THRA: variants seen among roughly 807,000 people sequenced by gnomAD.
THRA encodes EAR-7.
In THRA, 13 loss-of-function variants were observed where a neutral mutation model predicts 45.0. That is an observed-to-expected ratio of 0.29 (90% CI 0.19 to 0.46). THRA has a LOEUF of 0.46. THRA is among the 20% of genes least tolerant of loss of function. The probability of loss-of-function intolerance (pLI) is 1.00; values close to 1 mark genes in which losing one functional copy is unlikely to be tolerated. For synonymous variants in THRA, 195 were observed against 214.0 expected, an observed-to-expected ratio of 0.91 and a Z score of 0.78; for missense variants, 278 against 556.1, an observed-to-expected ratio of 0.50 and a Z score of 5.03.
chr17:40,073,692 ATCTC>A (rs1344259927), intron 1 of THRA, among the ~76,000 whole-genome samples: 1 of 152,052 alleles, frequency 6.6e-6, no homozygotes, highest in Non-Finnish European at 1.5e-5. Context: ...AGCTTTCAAC[ATCTC>A]TCTCTATTAA....
Position 40,090,189 on chromosome 17 carries a change from ACCAGAGCC to A in THRA, c.*737_*744del. On this transcript the variant is annotated 3_prime_UTR_variant, in exon 9 of 9. Coordinates refer to ENST00000450525, the MANE Select transcript of THRA (RefSeq NM_199334.5). ...CCACATCAGAGAGAAATGCCCCCAC[ACCAGAGCC>A]CCAAGGGTAGGGCTGCCGATCAGAG... is the stretch of plus-strand genomic sequence containing the variant. 5.1e-6 allele frequency: 1 copy of A among 195,274 alleles called. No homozygotes were observed. The highest frequency in any genetic ancestry group is 1.9e-4 in the South Asian group (1 of 5,224). The allele number at this position is 195,274 out of a possible 1,614,324, so 12.1% of individuals were successfully genotyped here.
Position 40,091,695 on chromosome 17 carries a change from A to G in THRA, c.*2239A>G, listed in dbSNP as rs891836587. The G allele has an allele frequency of 1.1e-4, 16 of 151,632 alleles. No homozygotes were observed. Among genetic ancestry groups the G allele is most frequent in the African/African-American group, 2.4e-4 (10 of 41,136 alleles). 9.4% of individuals were successfully genotyped at this position (151,632 alleles called of 1,614,324 possible). On this transcript the variant is annotated 3_prime_UTR_variant, in exon 9 of 9. Coordinates refer to ENST00000450525, the MANE Select transcript of THRA (RefSeq NM_199334.5). ...ACTTGGGACTCCCCCACCCTCCCCA[A>G]TCATATGAGCTGTGATCCCATCCTC...
Position 40,089,231 on chromosome 17 carries a change from C to A in THRA, c.1008C>A (p.Asp336Glu), listed in dbSNP as rs769127585. The A allele has an allele frequency of 2.5e-6, 4 of 1,614,026 alleles. No homozygotes were observed. Among genetic ancestry groups the A allele is most frequent in the Non-Finnish European group, 2.5e-6 (3 of 1,180,012 alleles). ...ACCGCTCGGGCCTGCTGTGTGTGGA[C>A]AAGATCGAGAAGAGTCAGGAGGCGT... ...STDRSGLLCV[D>E]KIEKSQEAYL... Residue 336 changes from aspartate (D) to glutamate (E), a missense_variant, in exon 9 of 9, where the codon GAC (aspartate) becomes GAA (glutamate). Coordinates refer to ENST00000450525, the MANE Select transcript of THRA (RefSeq NM_199334.5). The surrounding 1 kb of genome is among the most constrained non-coding windows in gnomAD (Gnocchi z 6.1).
At chr17:40,084,936 T>G in intron 6 of THRA, 121 bp downstream of exon 6, 8 of 1,075,180 alleles carry the variant, frequency 7.4e-6, no homozygotes, top group Non-Finnish European at 9.4e-6. Context: ...ATACATACTC[T>G]TCACACTTTT....
intron 4 of THRA, among the ~76,000 whole-genome samples, chr17:40,079,021 C>T (rs191145522): frequency 4.6e-5 from 7 of 152,254 alleles, no homozygotes; most frequent in African/African-American, 1.2e-4. Context: ...TGAGCCACTG[C>T]GCCCAGCCTG....
intron 6 of THRA, 21 bp from the exon 7 acceptor site, chr17:40,086,686 G>T (rs750032010): frequency 2.5e-6 from 4 of 1,608,362 alleles, no homozygotes; most frequent in Middle Eastern, 1.7e-4. Context: ...GGCCCCAGCT[G>T]ACCCCCGTCT....
At chr17:40,083,683 A>G in intron 4 of THRA, 152 bp from the exon 5 acceptor site, 1 of 1,021,852 alleles carries the variant, frequency 9.8e-7, no homozygotes, top group East Asian at 2.8e-5. Flanking sequence ...GAGCCTAGTA[A>G]TCTTGGGCTC....
intron 1 of THRA, among the ~76,000 whole-genome samples, chr17:40,066,133 C>T (rs981285721): frequency 6.6e-6 from 1 of 152,196 alleles, no homozygotes; most frequent in Non-Finnish European, 1.5e-5. Flanking sequence ...AAGCGAGGCC[C>T]TCCCACCCGT....
In THRA at chr17:40,090,607, C is replaced by G. The variant is rs1417467530; in HGVS notation, c.*1151C>G. ...CGTGAGCGTCTCCCAGAACCCTCCACCCCTTTAGCACTCTGTTTCCCTGTT... is the reference window on the plus strand; with the variant it reads ...CGTGAGCGTCTCCCAGAACCCTCCAGCCCTTTAGCACTCTGTTTCCCTGTT... On this transcript the variant is annotated 3_prime_UTR_variant, in exon 9 of 9. Transcript: ENST00000450525. 1 of 142,672 alleles carries G rather than the reference C, an allele frequency of 7.0e-6. No individual in the cohort carries two copies. Among genetic ancestry groups the G allele is most frequent in the Admixed American group, 6.9e-5 (1 of 14,594 alleles). The allele number at this position is 142,672 out of a possible 1,614,324, so 8.8% of individuals were successfully genotyped here. A position where few individuals can be genotyped will look rare whatever the true frequency, so the allele number is the denominator to read the frequency against.
intron 1 of THRA, among the ~76,000 whole-genome samples, chr17:40,063,605 T>G (rs901147953): frequency 1.3e-5 from 2 of 151,668 alleles, no homozygotes; most frequent in Non-Finnish European, 3.0e-5. Context: ...AGAGGGAAGT[T>G]CCCCCGCCTC....
At position 40,089,423 on chromosome 17, in the gene THRA, C is replaced by T. The variant is rs377494036; in HGVS notation, c.1200C>T (p.Leu400=). Residue 400 remains leucine, a synonymous_variant, in exon 9 of 9, where the codon CTC becomes CTT. Transcript: ENST00000450525. The surrounding 1 kb of genome is among the most constrained non-coding windows in gnomAD (Gnocchi z 6.1). ...VECPTELFPP[L]FLEVFEDQEV is the part of the protein sequence containing the mutation. ...GCCCCACCGAACTCTTCCCCCCACTCTTCCTCGAGGTCTTTGAGGATCAGG... is the reference window on the plus strand; with the variant it reads ...GCCCCACCGAACTCTTCCCCCCACTTTTCCTCGAGGTCTTTGAGGATCAGG... The T allele has an allele frequency of 4.5e-5, 73 of 1,614,216 alleles. 1 individual carries two copies. The Middle Eastern group carries it at 2.1e-3, about 47-fold the overall frequency.
chr17:40,069,182 C>CCT (rs1013101780), intron 1 of THRA, among the ~76,000 whole-genome samples: 5 of 147,138 alleles, frequency 3.4e-5, no homozygotes, highest in Non-Finnish European at 6.0e-5. Context: ...TCTCTCCCTC[C>CCT]CTCTCTCTCT....
chr17:40,093,615 G>A (rs1987674742), downstream of THRA: 2 of 711,372 alleles, frequency 2.8e-6, no homozygotes, highest in African/African-American at 3.6e-5. This position sits in a 1 kb window ranked among gnomAD's most constrained non-coding sequence, Gnocchi z 5.9. Flanking sequence ...TTCTCTGCCT[G>A]GCAACATCTT....
In THRA at chr17:40,089,213, G is replaced by T. The variant is rs757747930; in HGVS notation, c.990G>T (p.Ser330=). The T allele has an allele frequency of 5.6e-6, 9 of 1,613,496 alleles. No homozygotes were observed. The highest frequency in any genetic ancestry group is 7.6e-6 in the Non-Finnish European group (9 of 1,179,942). Residue 330 remains serine, a synonymous_variant, in exon 9 of 9, where the codon TCG becomes TCT. Transcript: ENST00000450525. This position sits in a 1 kb window ranked among gnomAD's most constrained non-coding sequence, Gnocchi z 6.1. ...GCCCCTCTTCCCTCACAGACCGCTCGGGCCTGCTGTGTGTGGACAAGATCG... is the reference window on the plus strand; with the variant it reads ...GCCCCTCTTCCCTCACAGACCGCTCTGGCCTGCTGTGTGTGGACAAGATCG... ...QAVLLMSTDR[S]GLLCVDKIEK... is the part of the protein sequence containing the mutation.
At position 40,091,753 on chromosome 17, in the gene THRA, G is replaced by A. The variant is rs139979507; in HGVS notation, c.*2297G>A. The stretch of plus-strand genomic sequence containing the variant: ...CCCTCCCTTCCCCCTCGGTGATGTG[G>A]GGTGTATGTGTGCGTTCCTCTGCGT... On this transcript the variant is annotated 3_prime_UTR_variant, in exon 9 of 9. Coordinates refer to ENST00000450525, the MANE Select transcript of THRA (RefSeq NM_199334.5). The A allele has an allele frequency of 6.6e-6, 1 of 152,460 alleles. No individual in the cohort carries two copies. The highest frequency in any genetic ancestry group is 1.9e-4 in the East Asian group (1 of 5,184). The allele number at this position is 152,460 out of a possible 1,614,324, so 9.4% of individuals were successfully genotyped here. A position where few individuals can be genotyped will look rare whatever the true frequency, so the allele number is the denominator to read the frequency against.
chr17:40,067,691 G>C (rs1986620857), intron 1 of THRA, among the ~76,000 whole-genome samples: 1 of 152,314 alleles, frequency 6.6e-6, no homozygotes, highest in African/African-American at 2.4e-5. Context: ...CTGTAGGGGT[G>C]ACGGGAAGCC....
intron 2 of THRA, 27 bp from the exon 3 acceptor site, chr17:40,076,844 G>A (rs372494553): frequency 1.7e-4 from 267 of 1,613,346 alleles, no homozygotes; most frequent in Non-Finnish European, 2.1e-4. Context: ...ACTGCTCTGT[G>A]ATTCTGCCCA....
At chr17:40,065,883 A>T (rs966602728) in intron 1 of THRA, among the ~76,000 whole-genome samples, 2 of 152,142 alleles carry the variant, frequency 1.3e-5, no homozygotes, top group Non-Finnish European at 2.9e-5. Context: ...AGCAGCTCTT[A>T]AACAAGCCAT....
chr17:40,082,433 G>T (rs9913061), intron 4 of THRA, among the ~76,000 whole-genome samples: 2,687 of 151,144 alleles, frequency 0.018, 88 homozygotes, highest in African/African-American at 0.063. Context: ...TTGTCACCCA[G>T]GCTGGAGTGC....
Sources: gnomAD v4.1 joint callset for allele counts (sites outside exome capture counted in the v4.1 genomes callset) on GRCh38, gnomAD v4.1.1 for gene constraint, Gnocchi (gnomAD v3.1) non-coding constraint, MANE v1.5 for transcripts, NCBI Gene and HGNC (gene_info 2026-07-23, HGNC 2026-07-21) for gene names.